ARHGAP15: variants seen among roughly 807,000 people sequenced by gnomAD.
ARHGAP15 encodes the protein rho GTPase-activating protein 15.
In ARHGAP15, 51 loss-of-function variants were observed where a neutral mutation model predicts 63.7. The observed-to-expected ratio is 0.80, with a 90% CI of 0.64 to 1.01. ARHGAP15 has a LOEUF of 1.01. Ranked by LOEUF, ARHGAP15 falls within the 50% of genes least tolerant of loss-of-function variation. The probability of loss-of-function intolerance (pLI) is 0.00; values close to 1 mark genes in which losing one functional copy is unlikely to be tolerated. For synonymous variants in ARHGAP15, 191 were observed against 193.8 expected, an observed-to-expected ratio of 0.99 and a Z score of 0.12; for missense variants, 560 against 564.6, an observed-to-expected ratio of 0.99 and a Z score of 0.08.
intron 3 of ARHGAP15, among the ~76,000 whole-genome samples, chr2:143,204,690 A>G (rs1410905924): frequency 1.3e-4 from 20 of 151,918 alleles, no homozygotes; most frequent in Non-Finnish European, 2.6e-4. Context: ...AGAAACATCC[A>G]ATGGTTCACT....
At chr2:143,603,751 T>C (rs1031127249) in intron 11 of ARHGAP15, among the ~76,000 whole-genome samples, 3 of 152,222 alleles carry the variant, frequency 2.0e-5, no homozygotes, top group Non-Finnish European at 4.4e-5. Flanking sequence ...TGTTCAAATA[T>C]TCCCACCTAT....
chr2:143,155,020 A>G (rs1219297654), intron 1 of ARHGAP15, among the ~76,000 whole-genome samples: 2 of 151,676 alleles, frequency 1.3e-5, no homozygotes, highest in East Asian at 2.0e-4. Flanking sequence ...CACCAATTTT[A>G]CTCACTTAAA....
At chr2:143,388,608 T>G (rs1687401410) in intron 6 of ARHGAP15, among the ~76,000 whole-genome samples, 1 of 152,184 alleles carries the variant, frequency 6.6e-6, no homozygotes, top group Non-Finnish European at 1.5e-5. Context: ...CGTGTATGTA[T>G]AAACTATACA....
chr2:143,719,490 A>G (rs972800688), intron 13 of ARHGAP15, among the ~76,000 whole-genome samples: 1 of 152,198 alleles, frequency 6.6e-6, no homozygotes, highest in Non-Finnish European at 1.5e-5. Context: ...CTCTTCTTTG[A>G]TAACAGCACA....
intron 11 of ARHGAP15, among the ~76,000 whole-genome samples, chr2:143,558,622 G>A (rs1309748266): frequency 2.6e-5 from 4 of 152,152 alleles, no homozygotes; most frequent in Non-Finnish European, 2.9e-5. Context: ...TAAAAAGGTA[G>A]GACTTGAATC....
chr2:143,551,402 G>A (rs1281348444), intron 10 of ARHGAP15, among the ~76,000 whole-genome samples: 1 of 152,114 alleles, frequency 6.6e-6, no homozygotes, highest in Non-Finnish European at 1.5e-5. Flanking sequence ...TGATTCTCCT[G>A]CCTTGGCCTC....
intron 9 of ARHGAP15, 135 bp from the exon 10 acceptor site, chr2:143,519,131 A>C: frequency 1.7e-6 from 1 of 582,704 alleles, no homozygotes; most frequent in Non-Finnish European, 3.1e-6. Context: ...TGCCATAGAC[A>C]CTATGGAAAT....
chr2:143,737,370 G>C (rs564502371), intron 13 of ARHGAP15, among the ~76,000 whole-genome samples: 1 of 152,304 alleles, frequency 6.6e-6, no homozygotes, highest in East Asian at 1.9e-4. Flanking sequence ...TTTATTACTA[G>C]AATTGTAAAC....
At chr2:143,706,579 G>A (rs1255700983) in intron 13 of ARHGAP15, 1 of 152,110 alleles carries the variant, frequency 6.6e-6, no homozygotes, top group Non-Finnish European at 1.5e-5. Context: ...GGCACAGTTG[G>A]ACTAGAAGGT....
intron 8 of ARHGAP15, among the ~76,000 whole-genome samples, chr2:143,469,292 G>A (rs1235120035): frequency 6.6e-6 from 1 of 152,180 alleles, no homozygotes; most frequent in Non-Finnish European, 1.5e-5. Flanking sequence ...CTAGAATAAA[G>A]CAGCGCTTGA....
intron 10 of ARHGAP15, among the ~76,000 whole-genome samples, chr2:143,524,453 C>T (rs765279386): frequency 4.6e-5 from 7 of 152,140 alleles, no homozygotes; most frequent in Admixed American, 1.3e-4. Flanking sequence ...CTGTTTACAA[C>T]CCACTAAAAA....
At chr2:143,233,338 C>G (rs1410717157) in intron 5 of ARHGAP15, among the ~76,000 whole-genome samples, 5 of 151,928 alleles carry the variant, frequency 3.3e-5, no homozygotes, top group Admixed American at 2.0e-4. Context: ...CTCTATTTCT[C>G]CCTCATCCTA....
chr2:143,631,612 T>C (rs76463537), intron 12 of ARHGAP15, among the ~76,000 whole-genome samples: 41 of 152,260 alleles, frequency 2.7e-4, no homozygotes, highest in African/African-American at 9.6e-4. Context: ...CATTCCATTA[T>C]TTTCTGCAGT....
chr2:143,717,037 A>T (rs1035150957), intron 13 of ARHGAP15, among the ~76,000 whole-genome samples: 1 of 152,178 alleles, frequency 6.6e-6, no homozygotes, highest in African/African-American at 2.4e-5. Flanking sequence ...TTTAAAAACA[A>T]TTTCCATGTC....
At chr2:143,388,837 G>T (rs1558938349) in intron 6 of ARHGAP15, among the ~76,000 whole-genome samples, 1 of 151,972 alleles carries the variant, frequency 6.6e-6, no homozygotes, top group South Asian at 2.1e-4. Flanking sequence ...GTGCCATTTT[G>T]TAAAATCTTT....
At chr2:143,767,215 C>T (rs1482728792) in intron 13 of ARHGAP15, among the ~76,000 whole-genome samples, 1 of 152,086 alleles carries the variant, frequency 6.6e-6, no homozygotes, top group Non-Finnish European at 1.5e-5. Context: ...TTTTAATTAT[C>T]AGTTTCTAGG....
rs192542238 is a variant in ARHGAP15 at position 143,186,718 on chromosome 2, G to A, written c.166-15416G>A. Among the ~76,000 whole-genome samples the A allele has an allele frequency of 3.7e-3, 563 of 152,252 alleles. 3 individuals carry two copies. Among genetic ancestry groups the A allele is most frequent in the African/African-American group, 0.013 (523 of 41,544 alleles). The stretch of plus-strand genomic sequence containing the variant: ...CAATTTGGGAATCATTACTCTATGT[G>A]ACTGATTTCTCCCGAAACAAACACT... On this transcript the variant is annotated intron_variant, in intron 2 of 13. Coordinates refer to ENST00000295095, the MANE Select transcript of ARHGAP15 (RefSeq NM_018460.4).
chr2:143,515,121 C>A (rs375270091), intron 9 of ARHGAP15, among the ~76,000 whole-genome samples: 110 of 152,130 alleles, frequency 7.2e-4, no homozygotes, highest in African/African-American at 2.4e-3. Context: ...TTCGTAACAT[C>A]TTTCCTAGGT....
chr2:143,140,087 C>CT (rs1158610432), intron 1 of ARHGAP15, among the ~76,000 whole-genome samples: 2 of 151,940 alleles, frequency 1.3e-5, no homozygotes, highest in African/African-American at 4.8e-5. Flanking sequence ...CAAAGAGTGA[C>CT]TTTTTTTTCT....
Sources: allele counts gnomAD v4.1 joint callset (sites outside exome capture counted in the v4.1 genomes callset), GRCh38; gene constraint gnomAD v4.1.1; transcripts MANE v1.5; gene names NCBI Gene and HGNC (gene_info 2026-07-23, HGNC 2026-07-21).